The following HCRTR2 variants were observed in gnomAD, a reference collection of about 807,000 sequenced individuals.
HCRTR2 encodes the protein hypocretin receptor 2, also known as orexin receptor type 2.
Under a neutral mutation model 49.0 loss-of-function variants are expected in HCRTR2, and 22 were observed. The ratio of observed to expected loss-of-function variants is 0.45; its 90% CI spans 0.32 to 0.64. The LOEUF (loss-of-function observed/expected upper bound fraction) is 0.64, where lower values mean the gene tolerates loss of function less well. Ranked by LOEUF, HCRTR2 falls within the 30% of genes least tolerant of loss-of-function variation. HCRTR2 has a pLI of 0.04. For synonymous variants in HCRTR2, 236 were observed against 205.3 expected, an observed-to-expected ratio of 1.15 and a Z score of -1.28; for missense variants, 491 against 559.4, an observed-to-expected ratio of 0.88 and a Z score of 1.23.
rs561595058 is a variant in HCRTR2, at chr6:55,133,653, T to A, written c.-378+27108T>A. On this transcript the variant is annotated intron_variant, in intron 1 of 7. Transcript: ENST00000615358. ...CTATATATCTACATGTATTTATCTA[T>A]CTATCTATCATCTATCTATCTATCT... 2.1e-5 allele frequency among the ~76,000 whole-genome samples: 3 copies of A among 141,630 alleles called. No individual in the cohort carries two copies. The Admixed American group carries it at 2.3e-4, about 11-fold the overall frequency. The allele number at this position is 141,630 out of a possible 152,430, so 92.9% of individuals were successfully genotyped here. A position where few individuals can be genotyped will look rare whatever the true frequency, so the allele number is the denominator to read the frequency against.
intron 1 of HCRTR2, among the ~76,000 whole-genome samples, chr6:55,146,003 G>T (rs1444086816): frequency 5.9e-5 from 9 of 151,406 alleles, no homozygotes; most frequent in African/African-American, 2.2e-4. Context: ...TCCATCTACT[G>T]CTGGAAATGA....
intron 1 of HCRTR2, among the ~76,000 whole-genome samples, chr6:55,190,966 G>A (rs1396010499): frequency 2.0e-5 from 3 of 152,128 alleles, no homozygotes; most frequent in Non-Finnish European, 1.5e-5. Context: ...AAGCCAAGTA[G>A]TTTTCCATTT....
At chr6:55,172,745 C>A (rs1231464008), upstream of HCRTR2, among the ~76,000 whole-genome samples, 28 of 151,954 alleles carry the variant, frequency 1.8e-4, no homozygotes, top group Non-Finnish European at 2.9e-5. Context: ...AATAGCTAAG[C>A]CCTCAGGGGT....
At chr6:55,183,710 A>G (rs937245857) in intron 1 of HCRTR2, among the ~76,000 whole-genome samples, 1 of 152,204 alleles carries the variant, frequency 6.6e-6, no homozygotes, top group African/African-American at 2.4e-5. Flanking sequence ...ATGAAAACAA[A>G]CAAACAAACT....
intron 1 of HCRTR2, among the ~76,000 whole-genome samples, chr6:55,109,535 A>G (rs982257105): frequency 1.3e-5 from 2 of 152,132 alleles, no homozygotes; most frequent in South Asian, 2.1e-4. Context: ...AACAATCACA[A>G]CTTATGGGAA....
chr6:55,244,009 G>T (rs919819937), intron 1 of HCRTR2, among the ~76,000 whole-genome samples: 3 of 152,086 alleles, frequency 2.0e-5, no homozygotes, highest in Non-Finnish European at 4.4e-5. Flanking sequence ...TTGAAATGGA[G>T]TATCAACCAT....
intron 4 of HCRTR2, among the ~76,000 whole-genome samples, chr6:55,264,096 A>G (rs1417454979): frequency 1.3e-5 from 2 of 152,094 alleles, no homozygotes; most frequent in African/African-American, 4.8e-5. Flanking sequence ...TTTACATTTT[A>G]AATAAAATTT....
chr6:55,237,273 T>C (rs1040133240), intron 1 of HCRTR2, among the ~76,000 whole-genome samples: 1 of 152,218 alleles, frequency 6.6e-6, no homozygotes, highest in Non-Finnish European at 1.5e-5. Context: ...GATAATATTA[T>C]CTTCTTTCAC....
intron 1 of HCRTR2, among the ~76,000 whole-genome samples, chr6:55,192,071 A>G (rs529527018): frequency 7.9e-4 from 120 of 152,172 alleles, no homozygotes; most frequent in African/African-American, 2.6e-3. Context: ...TTTTTTTTCT[A>G]TTCATTGCAA....
intron 1 of HCRTR2, among the ~76,000 whole-genome samples, chr6:55,244,555 G>A (rs1202174572): frequency 2.6e-5 from 4 of 152,064 alleles, no homozygotes; most frequent in African/African-American, 9.7e-5. Context: ...TTATACTTCA[G>A]AGAAGCACAA....
upstream of HCRTR2, chr6:55,174,270 G>A (rs201943159): frequency 4.8e-6 from 2 of 417,638 alleles, no homozygotes; most frequent in Non-Finnish European, 9.0e-6. Flanking sequence ...GCTGGAATGA[G>A]GAGTAATTGA....
intron 1 of HCRTR2, among the ~76,000 whole-genome samples, chr6:55,222,387 C>A (rs895356771): frequency 2.6e-5 from 4 of 151,440 alleles, no homozygotes; most frequent in Admixed American, 6.6e-5. Context: ...GGAAGTTCCT[C>A]AAAAAAATTA....
chr6:55,178,274 CAT>C (rs967198002), intron 1 of HCRTR2, among the ~76,000 whole-genome samples: 168 of 152,056 alleles, frequency 1.1e-3, no homozygotes, highest in African/African-American at 4.0e-3. Flanking sequence ...TCAAAGATAT[CAT>C]ATGTTTCATC....
chr6:55,108,736 G>A (rs868635714), intron 1 of HCRTR2, among the ~76,000 whole-genome samples: 22 of 152,002 alleles, frequency 1.4e-4, no homozygotes, highest in Non-Finnish European at 2.1e-4. Flanking sequence ...TGGAATTGGG[G>A]AAAGGCCACA....
intron 1 of HCRTR2, among the ~76,000 whole-genome samples, chr6:55,213,162 A>G (rs992862761): frequency 6.6e-6 from 1 of 152,188 alleles, no homozygotes; most frequent in Non-Finnish European, 1.5e-5. Context: ...TACAGAAAGC[A>G]AATGCCTAAG....
intron 1 of HCRTR2, among the ~76,000 whole-genome samples, chr6:55,159,437 A>C (rs1168360374): frequency 6.6e-6 from 1 of 152,168 alleles, no homozygotes; most frequent in Non-Finnish European, 1.5e-5. Context: ...CTTCTCCTCC[A>C]AAGGATCACA....
chr6:55,220,976 G>A (rs761573466), intron 1 of HCRTR2, among the ~76,000 whole-genome samples: 1 of 152,072 alleles, frequency 6.6e-6, no homozygotes, highest in Non-Finnish European at 1.5e-5. Context: ...AAAATGTTTA[G>A]TAATAAGCTT....
chr6:55,202,767 G>A (rs200582472), intron 1 of HCRTR2, among the ~76,000 whole-genome samples: 1 of 4,136 alleles, frequency 2.4e-4, no homozygotes, highest in Non-Finnish European at 3.2e-4. Context: ...AAATGAAGCC[G>A]GGGGAGGTTG....
intron 1 of HCRTR2, among the ~76,000 whole-genome samples, chr6:55,138,797 CTATATCTCTTTCCTCTCAACTATA>C (rs1403275390): frequency 6.6e-6 from 1 of 152,184 alleles, no homozygotes; most frequent in African/African-American, 2.4e-5. Context: ...CTCAACTTTG[CTATATCTCTTTCCTCTCAACTATA>C]TATGTTTGTT....
Sources: gnomAD v4.1 joint callset for allele counts (sites outside exome capture counted in the v4.1 genomes callset) on GRCh38, gnomAD v4.1.1 for gene constraint, MANE v1.5 for transcripts, NCBI Gene and HGNC (gene_info 2026-07-23, HGNC 2026-07-21) for gene names.